The following ATAD5 variants were observed in gnomAD, a reference collection of about 807,000 sequenced individuals.
ATAD5 encodes the protein ATPase family AAA domain containing 5, also known as ATPase family AAA domain-containing protein 5.
ATAD5 carries 58 observed loss-of-function variants against 176.9 expected under a neutral mutation model. The ratio of observed to expected loss-of-function variants is 0.33; its 90% CI spans 0.27 to 0.41. ATAD5 has a LOEUF of 0.41. ATAD5 is among the 10% of genes least tolerant of loss of function. The pLI is 1.00. For missense variants in ATAD5, 1,789 were observed against 2,094.1 expected (o/e 0.85, Z 2.84); for synonymous variants, 640 against 712.6 (o/e 0.90, Z 1.62).
intron 19 of ATAD5, among the ~76,000 whole-genome samples, chr17:30,889,886 C>CTTTTTTTTTTTTTTTTTTTTTTTTT (rs60266614): frequency 4.2e-5 from 4 of 95,718 alleles, no homozygotes; most frequent in Non-Finnish European, 8.1e-5. Flanking sequence ...TCTTTTCTTT[C>CTTTTTTTTTTTTTTTTTTTTTTTTT]TTTTTTTTTT....
chr17:30,851,758 C>T (rs1253820476), intron 6 of ATAD5, among the ~76,000 whole-genome samples: 1 of 152,040 alleles, frequency 6.6e-6, no homozygotes, highest in Non-Finnish European at 1.5e-5. Context: ...AATTTTTGTA[C>T]TCTTAGTAGA....
intron 14 of ATAD5, among the ~76,000 whole-genome samples, chr17:30,873,498 A>G (rs1044178241): frequency 4.6e-5 from 7 of 151,616 alleles, no homozygotes; most frequent in African/African-American, 1.7e-4. Context: ...TTGTGTTTTT[A>G]GTAGAGACAC....
At position 30,893,653 on chromosome 17, in the gene ATAD5, T is replaced by C; in HGVS notation, c.4800T>C (p.Asn1600=). The part of the protein sequence containing the change: ...ISLSSVSSSS[N]AEESKTGDEE... ...TGTCCTCTGTATCATCTTCCTCAAA[T>C]GCAGAAGAAAGCAAAACCGGAGACG... is the stretch of plus-strand genomic sequence containing the variant. Residue 1600 remains asparagine (N), a synonymous_variant, in exon 21 of 23, where the codon AAT becomes AAC. Coordinates refer to ENST00000321990, the MANE Select transcript of ATAD5 (RefSeq NM_024857.5). The C allele has an allele frequency of 6.2e-7, 1 of 1,613,480 alleles. No homozygotes were observed.
At chr17:30,858,419 C>T (rs1267982726) in intron 9 of ATAD5, 96 bp downstream of exon 9, 1 of 944,434 alleles carries the variant, frequency 1.1e-6, no homozygotes, top group South Asian at 4.2e-5. Flanking sequence ...GAGTTTTGCT[C>T]TTGTCGCCCT....
At chr17:30,890,485 G>C (rs1598001042) in intron 19 of ATAD5, among the ~76,000 whole-genome samples, 1 of 139,070 alleles carries the variant, frequency 7.2e-6, no homozygotes, top group South Asian at 2.2e-4. Flanking sequence ...GCAGTGGCAC[G>C]ATCTCGGTTT....
At position 30,843,943 on chromosome 17, in the gene ATAD5, A is replaced by C. The variant is rs780230150; in HGVS notation, c.2272A>C (p.Thr758Pro). 5.4e-6 allele frequency: 8 copies of C among 1,473,158 alleles called. No homozygotes were observed. The highest frequency in any genetic ancestry group is 7.4e-6 in the Non-Finnish European group (8 of 1,082,944). 91.3% of individuals were successfully genotyped at this position (1,473,158 alleles called of 1,614,324 possible). Residue 758 changes from threonine to proline, a missense_variant, in exon 5 of 23, where the codon ACT becomes CCT. Coordinates refer to ENST00000321990, the MANE Select transcript of ATAD5 (RefSeq NM_024857.5). ...DSVIIIDSSP[T>P]ALKHPEKNQK... ...TGTTATAATAATAGATTCAAGTCCT[A>C]CTGCTTTAAAGCATCCAGAGAAAAA...
chr17:30,893,364 T>C lies in ATAD5; in HGVS notation c.4511T>C (p.Val1504Ala). The part of the protein sequence containing the change: ...QLLTEFQMRN[V>A]DFLYSNLEFI... Reference sequence around the variant, plus strand: ...CTTACAGAATTCCAAATGCGGAATGTAGATTTTTTATATAGTAATCTTGAG... The same window carrying C: ...CTTACAGAATTCCAAATGCGGAATGCAGATTTTTTATATAGTAATCTTGAG... The change falls in exon 21 of 23, where the codon GTA (valine) becomes GCA (alanine). Residue 1504 changes from valine to alanine, a missense_variant. Val to Ala is a moderately conservative substitution (Grantham distance 64, BLOSUM62 0). This residue lies in a region of ATAD5 where 403 missense variants were observed against 495.1 expected (regional missense o/e 0.81). Coordinates refer to ENST00000321990, the MANE Select transcript of ATAD5 (RefSeq NM_024857.5). The C allele has an allele frequency of 1.9e-6, 3 of 1,598,508 alleles. No homozygotes were observed. The highest frequency in any genetic ancestry group is 2.6e-6 in the Non-Finnish European group (3 of 1,174,788).
chr17:30,866,900 C>T (rs1253946208), intron 11 of ATAD5, among the ~76,000 whole-genome samples: 1 of 152,130 alleles, frequency 6.6e-6, no homozygotes, highest in Non-Finnish European at 1.5e-5. Flanking sequence ...ATGTAATATG[C>T]AGTATATGTA....
chr17:30,887,157 C>CT, intron 18 of ATAD5, 35 bp from the exon 19 acceptor site: 1 of 1,518,730 alleles, frequency 6.6e-7, no homozygotes, highest in Non-Finnish European at 8.8e-7. Context: ...TATTTGAACT[C>CT]AGCAGTTAAC....
intron 14 of ATAD5, 37 bp from the exon 15 acceptor site, chr17:30,876,337 G>C: frequency 6.5e-7 from 1 of 1,532,150 alleles, no homozygotes; most frequent in Admixed American, 2.2e-5. Flanking sequence ...ATGATTTTTA[G>C]AATATTTATC....
At chr17:30,865,600 G>A in intron 10 of ATAD5, 104 bp from the exon 11 acceptor site, 1 of 605,452 alleles carries the variant, frequency 1.7e-6, no homozygotes, top group Non-Finnish European at 2.6e-6. Flanking sequence ...AAATATTTCT[G>A]CAAATACCTA....
chr17:30,888,308 T>C (rs769792546), intron 19 of ATAD5, among the ~76,000 whole-genome samples: 1 of 152,076 alleles, frequency 6.6e-6, no homozygotes, highest in Non-Finnish European at 1.5e-5. Flanking sequence ...TCTCAGCACT[T>C]TGGGAGGCCA....
chr17:30,869,579 A>G lies in ATAD5; in HGVS notation c.3540A>G (p.Val1180=), dbSNP rs982870343. Residue 1180 remains valine, a synonymous_variant, in exon 14 of 23, where the codon GTA becomes GTG. Transcript: ENST00000321990. ...AGGAAGCTACTCAGTCCCATCAAGT[A>G]GACAAACAAGGTGTAAACTCACAAA... ...QLKEATQSHQ[V]DKQGVNSQKP... The G allele has an allele frequency of 6.2e-7, 1 of 1,609,194 alleles. No individual in the cohort carries two copies. The highest frequency in any genetic ancestry group is 1.3e-5 in the African/African-American group (1 of 74,594).
intron 3 of ATAD5, among the ~76,000 whole-genome samples, chr17:30,839,697 C>T (rs1905978957): frequency 0.031 from 1 of 32 alleles, no homozygotes; most frequent in South Asian, 0.17. Context: ...TCTCCTGCCT[C>T]AGCCGCCCCA....
chr17:30,840,596 A>G (rs1291907254), intron 3 of ATAD5, 21 bp from the exon 4 acceptor site: 1 of 1,426,166 alleles, frequency 7.0e-7, no homozygotes, highest in Non-Finnish European at 9.4e-7. Flanking sequence ...ATGTAAATTA[A>G]TGTTTCAATT....
Position 30,844,819 on chromosome 17 carries a change from T to C in ATAD5, c.2369-16T>C, listed in dbSNP as rs766133589. On this transcript the variant is annotated splice_polypyrimidine_tract_variant and intron_variant, in intron 5 of 22. Transcript: ENST00000321990. ...TGGTAAACATTGATACTAACCCAAG[T>C]ATTTATTTTTCTAAGGAAAAATGAA... 28 of 1,528,980 alleles carry C rather than the reference T, an allele frequency of 1.8e-5. No homozygotes were observed. The highest frequency in any genetic ancestry group is 2.1e-5 in the Non-Finnish European group (24 of 1,123,332). The allele number at this position is 1,528,980 out of a possible 1,614,324, so 94.7% of individuals were successfully genotyped here.
chr17:30,833,845 T>C (rs1036304717), intron 1 of ATAD5, among the ~76,000 whole-genome samples: 9 of 152,112 alleles, frequency 5.9e-5, no homozygotes, highest in Admixed American at 5.9e-4. Context: ...TATGCTCAGC[T>C]AATTTTTTGT....
chr17:30,872,554 CT>C (rs976322580), intron 14 of ATAD5, among the ~76,000 whole-genome samples: 31 of 98,402 alleles, frequency 3.2e-4, no homozygotes, highest in South Asian at 1.8e-3. Flanking sequence ...TTTCTTTTTT[CT>C]TTTTTTTTTT....
At position 30,869,543 on chromosome 17, in the gene ATAD5, A is replaced by G. The variant is rs370326384; in HGVS notation, c.3504A>G (p.Leu1168=). Residue 1168 remains leucine (L), a synonymous_variant, in exon 14 of 23, where the codon CTA becomes CTG. Transcript: ENST00000321990. ...CCCAGCGCAGTGGTAGACAAATTCT[A>G]TCTCAGTTGAAGGAAGCTACTCAGT... is the stretch of plus-strand genomic sequence containing the variant. ...ASSQRSGRQI[L]SQLKEATQSH... is the part of the protein sequence containing the mutation. The G allele has an allele frequency of 8.7e-6, 14 of 1,612,752 alleles. No individual in the cohort carries two copies. The highest frequency in any genetic ancestry group is 7.7e-5 in the South Asian group (7 of 90,714).
Sources: gnomAD v4.1 joint callset for allele counts (sites outside exome capture counted in the v4.1 genomes callset) on GRCh38, gnomAD v4.1.1 for gene constraint, gnomAD v4.1.1 regional missense constraint, MANE v1.5 for transcripts, NCBI Gene and HGNC (gene_info 2026-07-23, HGNC 2026-07-21) for gene names.